Variants in ZNF423 observed in about 807,000 individuals in gnomAD.
ZNF423 encodes the protein Ebf-associated zinc finger protein.
A neutral mutation model predicts 95.8 loss-of-function variants in ZNF423; 12 were observed. The observed-to-expected ratio is 0.13, with a 90% CI of 0.08 to 0.20. The LOEUF (loss-of-function observed/expected upper bound fraction) is 0.20, where lower values mean the gene tolerates loss of function less well. Ranked by LOEUF, ZNF423 falls within the 10% of genes least tolerant of loss-of-function variation. ZNF423 has a pLI of 1.00. For synonymous variants in ZNF423, 749 were observed against 711.9 expected, an observed-to-expected ratio of 1.05 and a Z score of -0.83; for missense variants, 1,316 against 1,737.1, an observed-to-expected ratio of 0.76 and a Z score of 4.31.
At position 49,789,496 on chromosome 16, in the gene ZNF423, T is replaced by C. The variant is rs201626636; in HGVS notation, c.91A>G (p.Thr31Ala). The change falls in exon 2 of 8, where the codon ACA becomes GCA. Residue 31 changes from threonine (T) to alanine (A), a missense_variant. Physicochemically the swap from Thr to Ala is moderately conservative, Grantham distance 58 (BLOSUM62 0). Coordinates refer to ENST00000563137, the MANE Select transcript of ZNF423 (RefSeq NM_001379286.1). ...DFSLAWDSSV[T>A]AAGGLEGEPE... ...GCCCCCGGGCATTTACCTGCTGCTG[T>C]CACGGAGGAATCCCAGGCCAGCGAG... 79 of 1,612,504 alleles carry C rather than the reference T, an allele frequency of 4.9e-5. No homozygotes were observed. In the East Asian group the frequency reaches 1.7e-3, roughly 36 times the overall value.
intron 1 of ZNF423, among the ~76,000 whole-genome samples, chr16:49,842,483 G>A (rs140885806): frequency 6.4e-4 from 97 of 151,688 alleles, no homozygotes; most frequent in African/African-American, 2.2e-3. Context: ...GTGGTGGCTC[G>A]TACCTATAAT....
intron 1 of ZNF423, chr16:49,827,143 A>G (rs2035013370): frequency 6.6e-6 from 1 of 152,204 alleles, no homozygotes; most frequent in Admixed American, 6.5e-5. Flanking sequence ...CATCTTCCGC[A>G]TAAAATAAAA....
intron 3 of ZNF423, among the ~76,000 whole-genome samples, chr16:49,685,006 C>T (rs904137694): frequency 3.9e-5 from 6 of 152,296 alleles, no homozygotes; most frequent in Admixed American, 6.5e-5. Flanking sequence ...TCCTCAGGCT[C>T]AGAGGCCCAG....
intron 3 of ZNF423, among the ~76,000 whole-genome samples, chr16:49,661,410 AC>A (rs992936876): frequency 1.3e-5 from 2 of 152,108 alleles, no homozygotes; most frequent in African/African-American, 4.8e-5. Flanking sequence ...CCCAAAACTC[AC>A]CAGAAACCTC....
chr16:49,582,875 A>T (rs1281380372), intron 5 of ZNF423, among the ~76,000 whole-genome samples: 1 of 152,250 alleles, frequency 6.6e-6, no homozygotes, highest in Non-Finnish European at 1.5e-5. Context: ...AGGATAAACC[A>T]CTATCACCAA....
intron 5 of ZNF423, among the ~76,000 whole-genome samples, chr16:49,565,539 A>T (rs1265610477): frequency 6.6e-6 from 1 of 152,158 alleles, no homozygotes; most frequent in African/African-American, 2.4e-5. Context: ...CCCCTAAGGA[A>T]GCAGGCTCAG....
In ZNF423 at chr16:49,789,357, G is replaced by A. The variant is rs1049631608; in HGVS notation, c.100+130C>T. The A allele has an allele frequency of 2.8e-5, 22 of 772,058 alleles. No homozygotes were observed. In the East Asian group the frequency reaches 5.8e-4, roughly 20 times the overall value. 47.8% of individuals were successfully genotyped at this position (772,058 alleles called of 1,614,324 possible). A position where few individuals can be genotyped will look rare whatever the true frequency, so the allele number is the denominator to read the frequency against. On this transcript the variant is annotated intron_variant, in intron 2 of 7. Transcript: ENST00000563137. ...TGATATAAAAATCGTGTTGCATGGG[G>A]TAGTCTGGATTGGAGGCAGGAATGT... is the stretch of plus-strand genomic sequence containing the variant.
chr16:49,668,742 C>T (rs1372417547), intron 3 of ZNF423, among the ~76,000 whole-genome samples: 1 of 152,162 alleles, frequency 6.6e-6, no homozygotes, highest in Non-Finnish European at 1.5e-5. Flanking sequence ...CTCCCAGCCC[C>T]ACCCCCAGTA....
At chr16:49,806,660 A>G (rs1367435476) in intron 1 of ZNF423, among the ~76,000 whole-genome samples, 1 of 152,026 alleles carries the variant, frequency 6.6e-6, no homozygotes, top group East Asian at 1.9e-4. Context: ...GGTTCTGAAC[A>G]CACAGATCAC....
Position 49,789,517 on chromosome 16 carries a change from G to A in ZNF423, c.70C>T (p.Leu24=), listed in dbSNP as rs1344238488. The change falls in exon 2 of 8, where the codon CTG becomes TTG. Residue 24 remains leucine (L), a synonymous_variant. Coordinates refer to ENST00000563137, the MANE Select transcript of ZNF423 (RefSeq NM_001379286.1). ...VEEGEASDFS[L]AWDSSVTAAG... is the part of the protein sequence containing the mutation. ...GCTGTCACGGAGGAATCCCAGGCCA[G>A]CGAGAAGTCTGAGGCCTCCCCCTCT... 6.2e-7 allele frequency: 1 copy of A among 1,612,620 alleles called. No individual in the cohort carries two copies. The highest frequency in any genetic ancestry group is 2.2e-5 in the East Asian group (1 of 44,618).
upstream of ZNF423, among the ~76,000 whole-genome samples, chr16:49,856,345 G>T (rs1286957066): frequency 2.0e-5 from 3 of 148,908 alleles, no homozygotes; most frequent in East Asian, 6.0e-4. Flanking sequence ...TGAGGAGGGG[G>T]AACGGGGCTG....
intron 3 of ZNF423, among the ~76,000 whole-genome samples, chr16:49,691,455 G>C (rs1205173799): frequency 6.6e-6 from 1 of 152,192 alleles, no homozygotes; most frequent in African/African-American, 2.4e-5. Context: ...ATCCTCGGCC[G>C]GGCGCAGTGG....
intron 7 of ZNF423, among the ~76,000 whole-genome samples, chr16:49,517,260 G>A (rs1225719818): frequency 2.0e-5 from 3 of 152,160 alleles, no homozygotes; most frequent in African/African-American, 7.2e-5. Flanking sequence ...TGCGCCAACT[G>A]CAGAGAGTGA....
At chr16:49,854,613 T>A in intron 1 of ZNF423, 1 of 985,332 alleles carries the variant, frequency 1.0e-6, no homozygotes, top group Non-Finnish European at 1.2e-6. Context: ...TCATCTCCCA[T>A]CTCACAGCCG....
At position 49,848,724 on chromosome 16, in the gene ZNF423, C is replaced by T. The variant is rs114076716; in HGVS notation, c.40+7011G>A. 3.1e-3 allele frequency among the ~76,000 whole-genome samples: 467 copies of T among 152,282 alleles called. 1 individual carries two copies. The highest frequency in any genetic ancestry group is 0.011 in the African/African-American group (444 of 41,550). On this transcript the variant is annotated intron_variant, in intron 1 of 7. Transcript: ENST00000563137. Reference sequence around the variant, plus strand: ...AAACAAAATTAGTCCTGACAAATTGCTGGCGAATACAGGCTCTTGTCTGGT... The same window carrying T: ...AAACAAAATTAGTCCTGACAAATTGTTGGCGAATACAGGCTCTTGTCTGGT...
Position 49,638,025 on chromosome 16 carries a change from G to A in ZNF423, c.1151C>T (p.Ala384Val). The A allele has an allele frequency of 1.2e-6, 2 of 1,614,138 alleles. No individual in the cohort carries two copies. Among genetic ancestry groups the A allele is most frequent in the Non-Finnish European group, 1.7e-6 (2 of 1,180,042 alleles). ...SMSSATPDSS[A>V]SVERGSTPDS... The stretch of plus-strand genomic sequence containing the variant: ...CGGGGTGGAGCCACGCTCCACAGAG[G>A]CGCTGGAGTCGGGTGTGGCGCTGCT... The change falls in exon 4 of 8, where the codon GCC becomes GTC. Residue 384 changes from alanine (A) to valine (V), a missense_variant. This residue lies in a region of ZNF423 where 399 missense variants were observed against 478.5 expected (regional missense o/e 0.83). Coordinates refer to ENST00000563137, the MANE Select transcript of ZNF423 (RefSeq NM_001379286.1). This position sits in a 1 kb window ranked among gnomAD's most constrained non-coding sequence, Gnocchi z 5.6.
At chr16:49,786,575 C>G (rs527273395) in intron 2 of ZNF423, among the ~76,000 whole-genome samples, 16 of 152,218 alleles carry the variant, frequency 1.1e-4, no homozygotes, top group Non-Finnish European at 1.8e-4. Flanking sequence ...AGCCACCAGG[C>G]CTGTCTTGCC....
At chr16:49,539,892 G>A (rs976275977) in intron 5 of ZNF423, among the ~76,000 whole-genome samples, 4 of 152,208 alleles carry the variant, frequency 2.6e-5, no homozygotes, top group African/African-American at 9.6e-5. Flanking sequence ...GCAGGAGTTG[G>A]AGGCCCAGCA....
At position 49,727,959 on chromosome 16, in the gene ZNF423, A is replaced by C. The variant is rs116944850; in HGVS notation, c.301+2812T>G. Among the ~76,000 whole-genome samples the C allele has an allele frequency of 8.3e-4, 127 of 152,302 alleles. No individual in the cohort carries two copies. The East Asian group carries it at 0.024, about 28-fold the overall frequency. On this transcript the variant is annotated intron_variant, in intron 3 of 7. Coordinates refer to ENST00000563137, the MANE Select transcript of ZNF423 (RefSeq NM_001379286.1). ...ACATTTATATCAGTTCCAAACCTTT[A>C]AATCAGAGGCCAATTTTCAAACAAC...
Sources: gnomAD v4.1 joint callset for allele counts (sites outside exome capture counted in the v4.1 genomes callset) on GRCh38, gnomAD v4.1.1 for gene constraint, gnomAD v4.1.1 regional missense constraint, Gnocchi (gnomAD v3.1) non-coding constraint, MANE v1.5 for transcripts, NCBI Gene and HGNC (gene_info 2026-07-23, HGNC 2026-07-21) for gene names.